Variants in PCDHGA6 observed in about 807,000 individuals in gnomAD.
PCDHGA6 encodes the protein protocadherin gamma subfamily A, 6.
Under a neutral mutation model 60.6 loss-of-function variants are expected in PCDHGA6, and 41 were observed. The observed-to-expected ratio is 0.68, with a 90% CI of 0.53 to 0.88. The LOEUF (loss-of-function observed/expected upper bound fraction) is 0.88, where lower values mean the gene tolerates loss of function less well. Ranked by LOEUF, PCDHGA6 falls within the 40% of genes least tolerant of loss-of-function variation. PCDHGA6 has a pLI of 0.00. For missense variants in PCDHGA6, 1,312 were observed against 1,203.0 expected, an observed-to-expected ratio of 1.09 and a Z score of -1.34; for synonymous variants, 594 against 524.4, an observed-to-expected ratio of 1.13 and a Z score of -1.81.
intron 1 of PCDHGA6, chr5:141,404,979 G>A (rs771576875): frequency 6.2e-7 from 1 of 1,613,994 alleles, no homozygotes; most frequent in Non-Finnish European, 8.5e-7. Context: ...GCTGACCTGG[G>A]CAGTCTTCAG....
At chr5:141,422,111 T>A (rs763658255) in intron 1 of PCDHGA6, 1 of 1,606,408 alleles carries the variant, frequency 6.2e-7, no homozygotes, top group Admixed American at 1.7e-5. Context: ...ATATTCCAAT[T>A]GGATTCACAA....
Position 141,412,258 on chromosome 5 carries a change from C to T in PCDHGA6, c.2424+35751C>T, listed in dbSNP as rs569698099. 5.8e-4 allele frequency: 88 copies of T among 152,314 alleles called. 1 individual carries two copies. The highest frequency in any genetic ancestry group is 2.0e-3 in the African/African-American group (83 of 41,568). 9.4% of individuals were successfully genotyped at this position (152,314 alleles called of 1,614,324 possible). On this transcript the variant is annotated intron_variant, in intron 1 of 3. Transcript: ENST00000517434. Reference sequence around the variant, plus strand: ...ATATCACTACATCTAACTTTGTTTTCTAAAACTTTTAGTACTTCAAATTCT... The same window carrying T: ...ATATCACTACATCTAACTTTGTTTTTTAAAACTTTTAGTACTTCAAATTCT...
In PCDHGA6 at chr5:141,432,011, TACA is replaced by T. The variant is rs1296391274; in HGVS notation, c.2424+55508_2424+55510del. 2 of 1,614,202 alleles carry T rather than the reference TACA, an allele frequency of 1.2e-6. No homozygotes were observed. Among genetic ancestry groups the T allele is most frequent in the South Asian group, 2.2e-5 (2 of 91,084 alleles). On this transcript the variant is annotated intron_variant, in intron 1 of 3. Transcript: ENST00000517434. This position sits in a 1 kb window ranked among gnomAD's most constrained non-coding sequence, Gnocchi z 6.0. The stretch of plus-strand genomic sequence containing the variant: ...CTTGGATAGGGAACAGGTTCCTAGC[TACA>T]ACATCACAGTGACCGCCACTGACCG...
intron 1 of PCDHGA6, chr5:141,419,468 C>T: frequency 6.2e-7 from 1 of 1,612,484 alleles, no homozygotes; most frequent in Non-Finnish European, 8.5e-7. Flanking sequence ...GGCCCGCGAC[C>T]AGGGCTCGCC....
At chr5:141,389,113 G>A in intron 1 of PCDHGA6, 1 of 1,613,970 alleles carries the variant, frequency 6.2e-7, no homozygotes, top group South Asian at 1.1e-5. Flanking sequence ...GTTCTAGACC[G>A]CGAGCAGAAT....
intron 1 of PCDHGA6, chr5:141,389,169 C>G: frequency 6.2e-7 from 1 of 1,614,028 alleles, no homozygotes; most frequent in African/African-American, 1.3e-5. Flanking sequence ...GGGCAAGCCT[C>G]CCCTCTCCTC....
chr5:141,419,123 A>G (rs2096330317), intron 1 of PCDHGA6: 1 of 1,613,766 alleles, frequency 6.2e-7, no homozygotes, highest in African/African-American at 1.3e-5. Context: ...CAACGTCACC[A>G]TCGCAGCCAC....
At position 141,431,421 on chromosome 5, in the gene PCDHGA6, T is replaced by A. The variant is rs2097372202; in HGVS notation, c.2424+54914T>A. On this transcript the variant is annotated intron_variant, in intron 1 of 3. Transcript: ENST00000517434. The surrounding 1 kb of genome is among the most constrained non-coding windows in gnomAD (Gnocchi z 4.8). The stretch of plus-strand genomic sequence containing the variant: ...ACGGCCTCCGACGGGGGCGACCCGG[T>A]GCGCACAGGCACCGCGCGCATCCGC... 1 of 1,613,580 alleles carries A rather than the reference T, an allele frequency of 6.2e-7. No individual in the cohort carries two copies. The highest frequency in any genetic ancestry group is 1.1e-5 in the South Asian group (1 of 91,082).
intron 2 of PCDHGA6, among the ~76,000 whole-genome samples, chr5:141,499,149 A>G (rs1215155217): frequency 6.6e-6 from 1 of 152,084 alleles, no homozygotes; most frequent in African/African-American, 2.4e-5. Context: ...TCTGATCCCA[A>G]TAGCTGTTGT....
rs767716077 is a variant in PCDHGA6, at chr5:141,376,073, G to A, written c.1990G>A (p.Val664Met). Residue 664 changes from valine (V) to methionine (M), a missense_variant, in exon 1 of 4, where the codon GTG becomes ATG. Coordinates refer to ENST00000517434, the MANE Select transcript of PCDHGA6 (RefSeq NM_018919.3). ...LSATVTLTVA[V>M]ADRIPDILAD... ...CGCCACTGTCACGCTCACCGTGGCC[G>A]TGGCCGACAGGATCCCCGACATCCT... 6.2e-7 allele frequency: 1 copy of A among 1,613,508 alleles called. No homozygotes were observed. Among genetic ancestry groups the A allele is most frequent in the Non-Finnish European group, 8.5e-7 (1 of 1,179,908 alleles).
At chr5:141,497,464 T>C (rs1277760390) in intron 2 of PCDHGA6, among the ~76,000 whole-genome samples, 1 of 151,764 alleles carries the variant, frequency 6.6e-6, no homozygotes, top group Admixed American at 6.6e-5. Context: ...CTTGGAGATA[T>C]GGAGGAGAAG....
rs767108870 is a variant in PCDHGA6 at position 141,485,169 on chromosome 5, C to T, written c.2425-9638C>T. On this transcript the variant is annotated intron_variant, in intron 1 of 3. Transcript: ENST00000517434. This position sits in a 1 kb window ranked among gnomAD's most constrained non-coding sequence, Gnocchi z 5.7. ...GAGCAAGTAGAGAATTAGCGGGCGG[C>T]AGCAATGCTCCGCAAGGTGAGAAGC... The T allele has an allele frequency of 6.2e-7, 1 of 1,608,524 alleles. No homozygotes were observed. Among genetic ancestry groups the T allele is most frequent in the South Asian group, 1.1e-5 (1 of 90,730 alleles).
intron 1 of PCDHGA6, chr5:141,416,346 T>A (rs2096017940): frequency 6.6e-6 from 1 of 152,238 alleles, no homozygotes; most frequent in African/African-American, 2.4e-5. Flanking sequence ...TCAATAGGGA[T>A]CCTGAGGAGG....
At position 141,477,763 on chromosome 5, in the gene PCDHGA6, C is replaced by A. The variant is rs763322593; in HGVS notation, c.2425-17044C>A. On this transcript the variant is annotated intron_variant, in intron 1 of 3. Coordinates refer to ENST00000517434, the MANE Select transcript of PCDHGA6 (RefSeq NM_018919.3). The surrounding 1 kb of genome is among the most constrained non-coding windows in gnomAD (Gnocchi z 4.9). ...ATGGGGGCACCCCGGTCCTAGCCAC[C>A]AACATCAGCGTGAACATATTTGTCA... 5.0e-6 allele frequency: 8 copies of A among 1,613,894 alleles called. No homozygotes were observed. The East Asian group carries it at 1.6e-4, about 31-fold the overall frequency.
chr5:141,456,576 A>C (rs1383992335), intron 1 of PCDHGA6, among the ~76,000 whole-genome samples: 2 of 152,188 alleles, frequency 1.3e-5, no homozygotes, highest in African/African-American at 4.8e-5. Context: ...ATTTTCCCTG[A>C]GCCTGTCAAT....
At chr5:141,419,803 T>C (rs2096436352) in intron 1 of PCDHGA6, 3 of 1,614,026 alleles carry the variant, frequency 1.9e-6, no homozygotes, top group Non-Finnish European at 2.5e-6. Context: ...CTGTAAGAGA[T>C]GGAGGACAGC....
chr5:141,478,434 T>C (rs747890986), intron 1 of PCDHGA6: 2 of 1,613,700 alleles, frequency 1.2e-6, no homozygotes, highest in East Asian at 2.2e-5. Flanking sequence ...GACCCGCTGC[T>C]GAAGAAACCT....
intron 1 of PCDHGA6, chr5:141,388,479 C>A (rs1345463224): frequency 6.2e-7 from 1 of 1,613,770 alleles, no homozygotes. Context: ...ATTGAAGACA[C>A]CTTTGGACAG....
intron 1 of PCDHGA6, among the ~76,000 whole-genome samples, chr5:141,425,025 T>C (rs1416166875): frequency 1.3e-5 from 2 of 152,236 alleles, no homozygotes; most frequent in Non-Finnish European, 2.9e-5. Flanking sequence ...ATTTACCTTA[T>C]GTCATTAGTT....
Sources: gnomAD v4.1 joint callset for allele counts (sites outside exome capture counted in the v4.1 genomes callset) on GRCh38, gnomAD v4.1.1 for gene constraint, Gnocchi (gnomAD v3.1) non-coding constraint, MANE v1.5 for transcripts, NCBI Gene and HGNC (gene_info 2026-07-23, HGNC 2026-07-21) for gene names.